The following NSUN4 variants were observed in gnomAD, a reference collection of about 807,000 sequenced individuals.
NSUN4 encodes 5-cytosine rRNA methyltransferase NSUN4.
Under a neutral mutation model 43.8 loss-of-function variants are expected in NSUN4, and 31 were observed. The ratio of observed to expected loss-of-function variants is 0.71; its 90% CI spans 0.53 to 0.96. NSUN4 has a LOEUF of 0.96. NSUN4 is among the 40% of genes least tolerant of loss of function. The probability of loss-of-function intolerance (pLI) is 0.00; values close to 1 mark genes in which losing one functional copy is unlikely to be tolerated. For synonymous variants in NSUN4, 167 were observed against 184.1 expected, an observed-to-expected ratio of 0.91 and a Z score of 0.75; for missense variants, 439 against 475.6, an observed-to-expected ratio of 0.92 and a Z score of 0.72.
the NSUN4 span, among the ~76,000 whole-genome samples, chr1:46,378,479 G>A: frequency 2.0e-5 from 3 of 152,222 alleles, no homozygotes; most frequent in South Asian, 6.2e-4. Flanking sequence ...TTACAGGCAT[G>A]AGCCACTGTG....
chr1:46,350,357 C>T (rs1027649447), intron 3 of NSUN4, among the ~76,000 whole-genome samples: 16 of 152,036 alleles, frequency 1.1e-4, no homozygotes, highest in Non-Finnish European at 2.1e-4. Context: ...ACATAGACCT[C>T]ATCTTCATTA....
At chr1:46,347,859 C>CTT (rs112974748) in intron 3 of NSUN4, among the ~76,000 whole-genome samples, 93 of 143,188 alleles carry the variant, frequency 6.5e-4, no homozygotes, top group Middle Eastern at 3.7e-3. Flanking sequence ...TTTTGACTTT[C>CTT]TTTTTTTTTT....
At chr1:46,358,398 A>ATTTTTTTTTTTTT (rs34719174) in intron 4 of NSUN4, among the ~76,000 whole-genome samples, 1 of 95,456 alleles carries the variant, frequency 1.0e-5, no homozygotes. Context: ...TCCTGGCCTA[A>ATTTTTTTTTTTTT]TTTTTTTTTT....
At chr1:46,347,120 T>C in intron 3 of NSUN4, 45 bp downstream of exon 3, 1 of 1,587,768 alleles carries the variant, frequency 6.3e-7, no homozygotes, top group Non-Finnish European at 8.6e-7. Flanking sequence ...GCTCCCCACC[T>C]CACCTAGTCC....
chr1:46,343,673 G>A, intron 1 of NSUN4: 1 of 399,932 alleles, frequency 2.5e-6, no homozygotes, highest in Non-Finnish European at 4.4e-6. Flanking sequence ...GCAGAAGCTG[G>A]GGCCGGAGCA....
rs71062755 is a variant in NSUN4, at chr1:46,348,832, T to TTTTTG, written c.592+1757_592+1758insTTTTG. ...TGTTTTTTTTTTTTTTTTTTTTTTT[T>TTTTTG]GAGAAGAAGTTTCGCTTTTCTACCC... is the stretch of plus-strand genomic sequence containing the variant. On this transcript the variant is annotated intron_variant, in intron 3 of 5. Coordinates refer to ENST00000474844, the MANE Select transcript of NSUN4 (RefSeq NM_199044.4). 2.5e-4 allele frequency among the ~76,000 whole-genome samples: 32 copies of TTTTTG among 125,732 alleles called. 1 individual carries two copies. The highest frequency in any genetic ancestry group is 8.5e-4 in the South Asian group (3 of 3,544). The allele number at this position is 125,732 out of a possible 152,430, so 82.5% of individuals were successfully genotyped here. A position where few individuals can be genotyped will look rare whatever the true frequency, so the allele number is the denominator to read the frequency against.
At chr1:46,384,638 C>T in the NSUN4 span, among the ~76,000 whole-genome samples, 1 of 152,154 alleles carries the variant, frequency 6.6e-6, no homozygotes, top group African/African-American at 2.4e-5. Context: ...ACAGACTAAA[C>T]TTTTCTTAGC....
intron 4 of NSUN4, among the ~76,000 whole-genome samples, chr1:46,355,263 G>A (rs566671708): frequency 1.2e-4 from 19 of 152,296 alleles, no homozygotes; most frequent in South Asian, 6.2e-4. Flanking sequence ...AAACACATCC[G>A]TTGATGGGTG....
intron 3 of NSUN4, among the ~76,000 whole-genome samples, chr1:46,348,139 C>T (rs1557738503): frequency 6.6e-6 from 1 of 152,154 alleles, no homozygotes; most frequent in African/African-American, 2.4e-5. Flanking sequence ...CTAGGCCTCC[C>T]AAATTGCTGG....
intron 4 of NSUN4, among the ~76,000 whole-genome samples, chr1:46,357,911 TATC>T (rs1215977919): frequency 6.6e-6 from 1 of 152,280 alleles, no homozygotes; most frequent in Middle Eastern, 3.4e-3. Flanking sequence ...GTCAAATTAT[TATC>T]ATTTTATTTA....
At chr1:46,375,514 T>C in the NSUN4 span, among the ~76,000 whole-genome samples, 3 of 151,322 alleles carry the variant, frequency 2.0e-5, no homozygotes, top group Admixed American at 2.0e-4. Context: ...CGAGAGTCTT[T>C]TTTGAGCCTA....
intron 4 of NSUN4, among the ~76,000 whole-genome samples, chr1:46,356,280 A>G (rs944386155): frequency 5.9e-5 from 9 of 152,152 alleles, no homozygotes; most frequent in African/African-American, 2.2e-4. Context: ...TATGTTGTCC[A>G]AGCTGGTCTC....
In NSUN4 at chr1:46,345,072, C is replaced by T; in HGVS notation, c.365C>T (p.Ser122Phe). The T allele has an allele frequency of 6.2e-7, 1 of 1,614,148 alleles. No individual in the cohort carries two copies. The highest frequency in any genetic ancestry group is 8.5e-7 in the Non-Finnish European group (1 of 1,180,024). The change falls in exon 2 of 6, where the codon TCC becomes TTC. Residue 122 changes from serine to phenylalanine, a missense_variant. By Grantham distance (155) the Ser-to-Phe change is radical (BLOSUM62 -2). Transcript: ENST00000474844. Reference protein sequence around the residue: ...GGQSAAPSPASWACSPNLRCF... With the variant: ...GGQSAAPSPAFWACSPNLRCF... ...CAATCTGCAGCCCCATCCCCTGCCT[C>T]CTGGGCCTGCAGTCCGAACCTTCGA...
rs1662178973 is a variant in NSUN4, at chr1:46,342,419, G to T, written c.93+1500G>T. 1.3e-5 allele frequency: 5 copies of T among 399,048 alleles called. No homozygotes were observed. In the South Asian group the frequency reaches 6.4e-4, roughly 51 times the overall value. The allele number at this position is 399,048 out of a possible 1,614,324, so 24.7% of individuals were successfully genotyped here. A position where few individuals can be genotyped will look rare whatever the true frequency, so the allele number is the denominator to read the frequency against. On this transcript the variant is annotated intron_variant, in intron 1 of 5. Coordinates refer to ENST00000474844, the MANE Select transcript of NSUN4 (RefSeq NM_199044.4). ...ATCATTACTCCCATCTTTCCTCAGA[G>T]GCCTACATACCTACCCCTGGGAGTC...
chr1:46,342,209 C>T, intron 1 of NSUN4: 1 of 399,802 alleles, frequency 2.5e-6, no homozygotes, highest in East Asian at 3.6e-5. Context: ...GTTATAATGA[C>T]CCCCTTCTCT....
At chr1:46,365,412 TCACTGCAACCC>T (rs1204153175), downstream of NSUN4, among the ~76,000 whole-genome samples, 2 of 152,210 alleles carry the variant, frequency 1.3e-5, no homozygotes, top group Non-Finnish European at 2.9e-5. Context: ...CAATCTCAGC[TCACTGCAACCC>T]CCGCCTCCCA....
the NSUN4 span, among the ~76,000 whole-genome samples, chr1:46,378,036 G>A: frequency 6.6e-6 from 1 of 152,158 alleles, no homozygotes; most frequent in Non-Finnish European, 1.5e-5. Context: ...AGGTGTCCAT[G>A]TTACAGAGGT....
chr1:46,359,056 G>A (rs898000680), intron 4 of NSUN4, among the ~76,000 whole-genome samples: 1 of 151,996 alleles, frequency 6.6e-6, no homozygotes, highest in Non-Finnish European at 1.5e-5. Context: ...TCAAGATTTC[G>A]AGACCAACCT....
rs576656577 is a variant in NSUN4, at chr1:46,361,322, T to C, written c.879-248T>C. ...ATAGCCAGCATAGCAATTTGGTCCA[T>C]AAACAAGAGCTCAGGGGGTCATTGT... On this transcript the variant is annotated intron_variant, in intron 5 of 5. Coordinates refer to ENST00000474844, the MANE Select transcript of NSUN4 (RefSeq NM_199044.4). Among the ~76,000 whole-genome samples the C allele has an allele frequency of 2.0e-5, 3 of 152,194 alleles. No homozygotes were observed. The South Asian group carries it at 6.2e-4, about 32-fold the overall frequency.
Sources: allele counts gnomAD v4.1 joint callset (sites outside exome capture counted in the v4.1 genomes callset), GRCh38; gene constraint gnomAD v4.1.1; transcripts MANE v1.5; gene names NCBI Gene and HGNC (gene_info 2026-07-23, HGNC 2026-07-21).